The following SYN3 variants were observed in gnomAD, a reference collection of about 807,000 sequenced individuals.
SYN3 encodes the protein synapsin III, also known as synapsin-3.
Under a neutral mutation model 65.8 loss-of-function variants are expected in SYN3, and 35 were observed. The ratio of observed to expected loss-of-function variants is 0.53; its 90% CI spans 0.41 to 0.70. The LOEUF (loss-of-function observed/expected upper bound fraction) is 0.70, where lower values mean the gene tolerates loss of function less well. Ranked by LOEUF, SYN3 falls within the 30% of genes least tolerant of loss-of-function variation. The probability of loss-of-function intolerance (pLI) is 0.00; values close to 1 mark genes in which losing one functional copy is unlikely to be tolerated. For missense variants in SYN3, 680 were observed against 749.0 expected, an observed-to-expected ratio of 0.91 and a Z score of 1.08; for synonymous variants, 270 against 292.9, an observed-to-expected ratio of 0.92 and a Z score of 0.80.
chr22:32,601,454 T>C (rs2059282281), intron 6 of SYN3, among the ~76,000 whole-genome samples: 1 of 152,192 alleles, frequency 6.6e-6, no homozygotes, highest in Non-Finnish European at 1.5e-5. Flanking sequence ...ATATTTTGTA[T>C]TTTTAGTAGA....
At position 32,551,723 on chromosome 22, in the gene SYN3, C is replaced by CA. The variant is rs1425918557; in HGVS notation, c.775-10011dup. On this transcript the variant is annotated intron_variant, in intron 7 of 13. Coordinates refer to ENST00000358763, the MANE Select transcript of SYN3 (RefSeq NM_003490.4). ...TTTAGGTCTTTGGCTACATTAGAGA[C>CA]AAAAAAAGAAGCTTTTGTGTGTTAG... Among the ~76,000 whole-genome samples the CA allele has an allele frequency of 5.9e-5, 9 of 151,432 alleles. No individual in the cohort carries two copies. The South Asian group carries it at 1.7e-3, about 28-fold the overall frequency.
At chr22:32,591,522 C>T (rs1466769103) in intron 7 of SYN3, among the ~76,000 whole-genome samples, 1 of 152,212 alleles carries the variant, frequency 6.6e-6, no homozygotes, top group Non-Finnish European at 1.5e-5. Flanking sequence ...TACTTTAATG[C>T]AGAGTTTTCC....
At chr22:33,039,316 C>T (rs932861725) in intron 1 of SYN3, among the ~76,000 whole-genome samples, 1 of 151,804 alleles carries the variant, frequency 6.6e-6, no homozygotes, top group African/African-American at 2.4e-5. Context: ...GTGTTTTAGC[C>T]TGTATATTTT....
intron 6 of SYN3, among the ~76,000 whole-genome samples, chr22:32,784,182 G>T (rs188330017): frequency 2.0e-5 from 3 of 152,242 alleles, no homozygotes; most frequent in Middle Eastern, 3.4e-3. Context: ...CCTGACTCTT[G>T]GTATTCACAG....
rs1380404535 is a variant in SYN3, at chr22:32,801,976, C to A, written c.711+62939G>T. On this transcript the variant is annotated intron_variant, in intron 6 of 13. Coordinates refer to ENST00000358763, the MANE Select transcript of SYN3 (RefSeq NM_003490.4). The surrounding 1 kb of genome is among the most constrained non-coding windows in gnomAD (Gnocchi z 4.7). ...GCAACTTTGGAGAGGCGAGCAGCAG[C>A]CCCGGCAGCGGCGGCAGCAGCGGCA... is the stretch of plus-strand genomic sequence containing the variant. 3.8e-6 allele frequency: 6 copies of A among 1,580,376 alleles called. No homozygotes were observed. Among genetic ancestry groups the A allele is most frequent in the African/African-American group, 1.3e-5 (1 of 74,260 alleles).
chr22:32,509,165 G>A lies in SYN3; in HGVS notation c.*4527C>T, dbSNP rs999254060. ...TACGGTACCATTTTATCGCGCTGAC[G>A]GGAGGAAGATCTGGAAGAACTTTTC... On this transcript the variant is annotated 3_prime_UTR_variant, in exon 14 of 14. Transcript: ENST00000358763. 1.3e-5 allele frequency among the ~76,000 whole-genome samples: 2 copies of A among 152,154 alleles called. No homozygotes were observed.
intron 6 of SYN3, among the ~76,000 whole-genome samples, chr22:32,855,780 T>C (rs2048346462): frequency 6.6e-6 from 1 of 152,180 alleles, no homozygotes; most frequent in South Asian, 2.1e-4. Flanking sequence ...CATTGCCACA[T>C]GTCCCAAATA....
chr22:32,804,782 G>A (rs1260951865), intron 6 of SYN3, among the ~76,000 whole-genome samples: 3 of 152,148 alleles, frequency 2.0e-5, no homozygotes, highest in Non-Finnish European at 2.9e-5. Context: ...ACTACATGCC[G>A]GCTTATAAGA....
chr22:32,715,346 A>G (rs916779211), intron 6 of SYN3, among the ~76,000 whole-genome samples: 2 of 152,224 alleles, frequency 1.3e-5, no homozygotes, highest in African/African-American at 4.8e-5. Flanking sequence ...TCCCAAATGT[A>G]TGGAACCCTT....
At chr22:32,785,367 A>G (rs2046167653) in intron 6 of SYN3, among the ~76,000 whole-genome samples, 2 of 152,110 alleles carry the variant, frequency 1.3e-5, no homozygotes, top group African/African-American at 4.8e-5. Context: ...TGGGTGTTAC[A>G]TGTTGTCAGA....
intron 1 of SYN3, among the ~76,000 whole-genome samples, chr22:33,056,496 T>G (rs905470191): frequency 6.6e-6 from 1 of 152,272 alleles, no homozygotes; most frequent in Non-Finnish European, 1.5e-5. Flanking sequence ...CCTAGCTCCC[T>G]CCCTAGGACC....
intron 12 of SYN3, among the ~76,000 whole-genome samples, chr22:32,522,369 G>A (rs1456824347): frequency 6.6e-6 from 1 of 152,236 alleles, no homozygotes; most frequent in African/African-American, 2.4e-5. Context: ...TATCAAGCAT[G>A]TTTTACTCTG....
rs553867271 is a variant in SYN3, at chr22:32,806,615, G to A, written c.711+58300C>T. On this transcript the variant is annotated intron_variant, in intron 6 of 13. Coordinates refer to ENST00000358763, the MANE Select transcript of SYN3 (RefSeq NM_003490.4). ...GGCTGTGTGTGCCTAGGCACATATG[G>A]GCTACCTTTGAGCTTTAGTTTTCTT... Among the ~76,000 whole-genome samples the A allele has an allele frequency of 3.4e-4, 52 of 152,226 alleles. 1 individual carries two copies. The highest frequency in any genetic ancestry group is 1.2e-3 in the African/African-American group (51 of 41,526).
At chr22:32,833,757 G>A (rs1266344942) in intron 6 of SYN3, 1 of 496,490 alleles carries the variant, frequency 2.0e-6, no homozygotes, top group Non-Finnish European at 4.0e-6. Flanking sequence ...TACAGGCCTC[G>A]ATTTCTAAAA....
chr22:33,051,819 C>T (rs1319916326), intron 1 of SYN3, among the ~76,000 whole-genome samples: 5 of 152,154 alleles, frequency 3.3e-5, no homozygotes, highest in African/African-American at 1.2e-4. Flanking sequence ...CTAGAGGGAG[C>T]TCAGACAATA....
chr22:32,527,906 C>T lies in SYN3; in HGVS notation c.1318+12G>A. 6.3e-7 allele frequency: 1 copy of T among 1,581,038 alleles called. No individual in the cohort carries two copies. Among genetic ancestry groups the T allele is most frequent in the South Asian group, 1.1e-5 (1 of 87,024 alleles). On this transcript the variant is annotated intron_variant, in intron 12 of 13. Transcript: ENST00000358763. Reference sequence around the variant, plus strand: ...TGCATGCTTTCTTGCAGTGGCTCGTCCTGGGTCATACCTTGCGGAGGTGGG... The same window carrying T: ...TGCATGCTTTCTTGCAGTGGCTCGTTCTGGGTCATACCTTGCGGAGGTGGG...
intron 6 of SYN3, among the ~76,000 whole-genome samples, chr22:32,811,273 C>T (rs115005594): frequency 1.6e-4 from 25 of 152,250 alleles, no homozygotes; most frequent in African/African-American, 5.3e-4. Context: ...GTGGAGAGGT[C>T]GCAAAATGGG....
In SYN3 at chr22:32,734,508, G is replaced by GACA. The variant is rs1192392206; in HGVS notation, c.711+130406_711+130407insTGT. Among the ~76,000 whole-genome samples the GACA allele has an allele frequency of 3.3e-4, 47 of 143,958 alleles. 1 individual carries two copies. In the South Asian group the frequency reaches 4.1e-3, roughly 12 times the overall value. 94.4% of individuals were successfully genotyped at this position (143,958 alleles called of 152,430 possible). ...GTGATGGAGGAGCAGAGAAGAGGCA[G>GACA]GCAGGCAGACAGACAGACAGACAGA... On this transcript the variant is annotated intron_variant, in intron 6 of 13. Coordinates refer to ENST00000358763, the MANE Select transcript of SYN3 (RefSeq NM_003490.4).
chr22:32,522,356 C>G (rs1276762710), intron 12 of SYN3, among the ~76,000 whole-genome samples: 2 of 152,090 alleles, frequency 1.3e-5, no homozygotes, highest in Non-Finnish European at 1.5e-5. Flanking sequence ...AATAATATCT[C>G]TTTATCAAGC....
Sources: gnomAD v4.1 joint callset for allele counts (sites outside exome capture counted in the v4.1 genomes callset) on GRCh38, gnomAD v4.1.1 for gene constraint, Gnocchi (gnomAD v3.1) non-coding constraint, MANE v1.5 for transcripts, NCBI Gene and HGNC (gene_info 2026-07-23, HGNC 2026-07-21) for gene names.